Variants in LIN9 observed in about 807,000 individuals in gnomAD.
The protein encoded by LIN9 is protein lin-9 homolog.
LIN9 carries 18 observed loss-of-function variants against 78.0 expected under a neutral mutation model. That is an observed-to-expected ratio of 0.23 (90% confidence interval 0.16 to 0.34). The LOEUF (loss-of-function observed/expected upper bound fraction) is 0.34, where lower values mean the gene tolerates loss of function less well. LIN9 is among the 10% of genes least tolerant of loss of function. LIN9 has a pLI of 1.00. For synonymous variants in LIN9, 192 were observed against 215.2 expected (o/e 0.89, Z 0.94); for missense variants, 451 against 644.1 (o/e 0.70, Z 3.25).
chr1:226,232,415 A>G lies in LIN9; in HGVS notation c.*86T>C, dbSNP rs1657394435. 2 of 785,806 alleles carry G rather than the reference A, an allele frequency of 2.5e-6. No individual in the cohort carries two copies. The highest frequency in any genetic ancestry group is 5.0e-5 in the Admixed American group (2 of 40,304). 48.7% of individuals were successfully genotyped at this position (785,806 alleles called of 1,614,324 possible). A position where few individuals can be genotyped will look rare whatever the true frequency, so the allele number is the denominator to read the frequency against. The stretch of plus-strand genomic sequence containing the variant: ...AAATTTCCCTTGTTTTCCAGCAGTT[A>G]GGTTATTTGGTGTTGGAAGCCTATA... On this transcript the variant is annotated 3_prime_UTR_variant, in exon 15 of 15. Coordinates refer to ENST00000681046, the MANE Select transcript of LIN9 (RefSeq NM_001366245.2).
At chr1:226,299,609 G>T (rs896076162) in intron 2 of LIN9, among the ~76,000 whole-genome samples, 13 of 151,968 alleles carry the variant, frequency 8.6e-5, no homozygotes, top group Non-Finnish European at 1.6e-4. Context: ...AACAAACTGG[G>T]GTGTTCTGGA....
At chr1:226,281,982 G>A (rs1661095195) in intron 6 of LIN9, among the ~76,000 whole-genome samples, 1 of 152,044 alleles carries the variant, frequency 6.6e-6, no homozygotes, top group Non-Finnish European at 1.5e-5. Context: ...TTAACCACCG[G>A]CGCCCAGCCA....
rs938014166 is a variant in LIN9, at chr1:226,257,043, T to C, written c.1039-6124A>G. 2.6e-5 allele frequency among the ~76,000 whole-genome samples: 4 copies of C among 152,036 alleles called. No homozygotes were observed. In the East Asian group the frequency reaches 7.7e-4, roughly 29 times the overall value. ...ATTTTGGCTCCCTGCAGCCTCCACC[T>C]CCCAGGTCCAAGCGATTCTCGTGCC... is the stretch of plus-strand genomic sequence containing the variant. On this transcript the variant is annotated intron_variant, in intron 10 of 14. Transcript: ENST00000681046.
intron 3 of LIN9, among the ~76,000 whole-genome samples, chr1:226,296,728 A>G (rs1377605361): frequency 6.6e-6 from 1 of 152,102 alleles, no homozygotes; most frequent in Non-Finnish European, 1.5e-5. Context: ...CCTTGAAATT[A>G]AACCCACTCT....
At chr1:226,277,992 CTTTT>C (rs879750346) in intron 6 of LIN9, 60 bp from the exon 7 acceptor site, 2 of 1,316,876 alleles carry the variant, frequency 1.5e-6, no homozygotes, top group Admixed American at 2.3e-5. Flanking sequence ...AACTTAAAAT[CTTTT>C]TTTTTTCTTT....
chr1:226,302,375 C>T (rs10915968), intron 1 of LIN9, among the ~76,000 whole-genome samples: 1 of 152,088 alleles, frequency 6.6e-6, no homozygotes, highest in Non-Finnish European at 1.5e-5. Flanking sequence ...AAACCCGTCT[C>T]TACTAAAAAC....
intron 1 of LIN9, among the ~76,000 whole-genome samples, chr1:226,304,560 G>C (rs577260850): frequency 2.0e-5 from 3 of 152,264 alleles, no homozygotes; most frequent in Admixed American, 6.5e-5. Flanking sequence ...GGTGGGGACG[G>C]GGGAATTACT....
intron 4 of LIN9, among the ~76,000 whole-genome samples, chr1:226,290,638 C>T (rs775401896): frequency 1.7e-4 from 26 of 151,834 alleles, no homozygotes; most frequent in Admixed American, 3.3e-4. Context: ...CCGCACCCGG[C>T]CAAGGCTATT....
At chr1:226,303,384 C>A (rs1265732604) in intron 1 of LIN9, among the ~76,000 whole-genome samples, 4 of 151,934 alleles carry the variant, frequency 2.6e-5, no homozygotes, top group Non-Finnish European at 5.9e-5. Context: ...AAAAATAAAG[C>A]AGAAGAAGAA....
At chr1:226,305,494 T>C (rs995691751) in intron 1 of LIN9, among the ~76,000 whole-genome samples, 1 of 151,400 alleles carries the variant, frequency 6.6e-6, no homozygotes, top group African/African-American at 2.4e-5. Flanking sequence ...CCCTGTCTCT[T>C]TAAAAAACAA....
At chr1:226,245,436 C>T (rs1436156383) in intron 11 of LIN9, among the ~76,000 whole-genome samples, 1 of 151,614 alleles carries the variant, frequency 6.6e-6, no homozygotes, top group Non-Finnish European at 1.5e-5. Flanking sequence ...TTTCCCCCCC[C>T]CCAAGAAACA....
At chr1:226,235,189 G>A (rs573950491) in intron 12 of LIN9, among the ~76,000 whole-genome samples, 1 of 151,838 alleles carries the variant, frequency 6.6e-6, no homozygotes, top group African/African-American at 2.4e-5. Context: ...GGGCATGGTG[G>A]TACATGCCTG....
At chr1:226,239,433 C>G (rs185035304) in intron 11 of LIN9, among the ~76,000 whole-genome samples, 1 of 152,082 alleles carries the variant, frequency 6.6e-6, no homozygotes, top group Non-Finnish European at 1.5e-5. Context: ...GTTGTTAAAC[C>G]GTATGTCCTC....
chr1:226,262,690 T>C (rs1659665009), intron 10 of LIN9, among the ~76,000 whole-genome samples: 1 of 152,216 alleles, frequency 6.6e-6, no homozygotes, highest in Non-Finnish European at 1.5e-5. Context: ...CTGCTGGGAA[T>C]GCAAAATGGT....
In LIN9 at chr1:226,303,606, TTTTC is replaced by T. The variant is rs575476618; in HGVS notation, c.32-2405_32-2402del. On this transcript the variant is annotated intron_variant, in intron 1 of 14. Coordinates refer to ENST00000681046, the MANE Select transcript of LIN9 (RefSeq NM_001366245.2). ...CCTTTTTTTTCTTTTTCGTTTTCTT[TTTTC>T]TTTTTCTTTTTTTGAAATGGAGTCT... Among the ~76,000 whole-genome samples the T allele has an allele frequency of 1.3e-3, 197 of 152,206 alleles. 1 individual carries two copies. Among genetic ancestry groups the T allele is most frequent in the African/African-American group, 4.5e-3 (188 of 41,528 alleles).
intron 12 of LIN9, among the ~76,000 whole-genome samples, chr1:226,234,893 ATTT>A (rs558971569): frequency 3.0e-5 from 4 of 134,328 alleles, no homozygotes; most frequent in East Asian, 2.2e-4. Flanking sequence ...GTTATCCTAA[ATTT>A]TTTTTTTTTT....
intron 8 of LIN9, 106 bp from the exon 9 acceptor site, chr1:226,266,438 A>G (rs1224414611): frequency 2.2e-4 from 175 of 804,494 alleles, no homozygotes; most frequent in Non-Finnish European, 1.1e-4. Flanking sequence ...ATATTCTATG[A>G]TTCATATAGA....
At chr1:226,305,333 A>C (rs970218336) in intron 1 of LIN9, among the ~76,000 whole-genome samples, 55 of 150,546 alleles carry the variant, frequency 3.7e-4, no homozygotes, top group African/African-American at 1.2e-3. Context: ...AAAAAAAAAA[A>C]AAAAAAAACC....
At position 226,250,899 on chromosome 1, in the gene LIN9, G is replaced by A; in HGVS notation, c.1059C>T (p.Leu353=). The change falls in exon 11 of 15, where the codon CTC becomes CTT. Residue 353 remains leucine (L), a synonymous_variant. Transcript: ENST00000681046. ...LIQVTRLSKI[L]MIKKEHIKKL... The stretch of plus-strand genomic sequence containing the variant: ...TCTTGATATGTTCCTTTTTAATCAT[G>A]AGAATTTTTGATAATCTGGTCTACA... The A allele has an allele frequency of 6.6e-7, 1 of 1,524,860 alleles. No homozygotes were observed. The highest frequency in any genetic ancestry group is 9.0e-7 in the Non-Finnish European group (1 of 1,109,100). 94.5% of individuals were successfully genotyped at this position (1,524,860 alleles called of 1,614,324 possible).
Sources: allele counts gnomAD v4.1 joint callset (sites outside exome capture counted in the v4.1 genomes callset), GRCh38; gene constraint gnomAD v4.1.1; transcripts MANE v1.5; gene names NCBI Gene and HGNC (gene_info 2026-07-23, HGNC 2026-07-21).